R3HDM1: variants seen among roughly 807,000 people sequenced by gnomAD.
The protein encoded by R3HDM1 is R3H domain containing 1, also known as R3H domain-containing protein 1.
A neutral mutation model predicts 141.1 loss-of-function variants in R3HDM1; 46 were observed. The observed-to-expected ratio is 0.33, with a 90% CI of 0.26 to 0.42. The LOEUF (loss-of-function observed/expected upper bound fraction) is 0.42, where lower values mean the gene tolerates loss of function less well. Ranked by LOEUF, R3HDM1 falls within the 10% of genes least tolerant of loss-of-function variation. The probability of loss-of-function intolerance (pLI) is 1.00; values close to 1 mark genes in which losing one functional copy is unlikely to be tolerated. For synonymous variants in R3HDM1, 435 were observed against 472.9 expected, an observed-to-expected ratio of 0.92 and a Z score of 1.04; for missense variants, 1,184 against 1,368.3, an observed-to-expected ratio of 0.87 and a Z score of 2.12.
At chr2:135,617,687 T>G (rs1458888764) in intron 5 of R3HDM1, among the ~76,000 whole-genome samples, 1 of 152,184 alleles carries the variant, frequency 6.6e-6, no homozygotes, top group Non-Finnish European at 1.5e-5. Context: ...TCATGTTACA[T>G]CTGTATATTT....
At chr2:135,616,227 A>C (rs1172358737) in intron 4 of R3HDM1, 34 bp downstream of exon 4, 3 of 1,579,414 alleles carry the variant, frequency 1.9e-6, no homozygotes, top group South Asian at 1.1e-5. Context: ...TGGCATGCCA[A>C]GGGCCTTCCT....
chr2:135,704,739 A>G (rs1325131159), intron 21 of R3HDM1, among the ~76,000 whole-genome samples: 2 of 152,180 alleles, frequency 1.3e-5, no homozygotes, highest in African/African-American at 4.8e-5. Context: ...GATTACAGGC[A>G]TGAGCCACCA....
At position 135,724,469 on chromosome 2, in the gene R3HDM1, C is replaced by T; in HGVS notation, c.*177C>T. On this transcript the variant is annotated 3_prime_UTR_variant, in exon 27 of 27. Coordinates refer to ENST00000683871, the MANE Select transcript of R3HDM1 (RefSeq NM_001378107.1). ...AAAGGGGGAAAAATATGCATTTCAC[C>T]CCACATGACTAGGAATCCACATCAG... The T allele has an allele frequency of 1.8e-6, 1 of 542,724 alleles. No homozygotes were observed. Among genetic ancestry groups the T allele is most frequent in the East Asian group, 2.9e-5 (1 of 34,490 alleles). The allele number at this position is 542,724 out of a possible 1,614,324, so 33.6% of individuals were successfully genotyped here.
intron 19 of R3HDM1, among the ~76,000 whole-genome samples, chr2:135,672,549 A>G (rs1309997064): frequency 6.6e-6 from 1 of 151,998 alleles, no homozygotes; most frequent in East Asian, 1.9e-4. Context: ...TGCTATCCTC[A>G]TACGGTATGG....
intron 1 of R3HDM1, among the ~76,000 whole-genome samples, chr2:135,551,441 A>C (rs1161494363): frequency 6.6e-6 from 1 of 152,192 alleles, no homozygotes; most frequent in Non-Finnish European, 1.5e-5. Flanking sequence ...AAAACTGCCA[A>C]GGTTATTCTA....
chr2:135,549,561 C>CAAA (rs1236257586), intron 1 of R3HDM1, among the ~76,000 whole-genome samples: 1,940 of 67,278 alleles, frequency 0.029, 87 homozygotes, highest in African/African-American at 0.091. Flanking sequence ...AACTCTGCCT[C>CAAA]AAAAAAAAAA....
intron 21 of R3HDM1, among the ~76,000 whole-genome samples, chr2:135,706,979 C>T (rs56255827): frequency 0.045 from 6,835 of 151,970 alleles, 476 homozygotes; most frequent in African/African-American, 0.16. Context: ...CCTCACCTCC[C>T]GGACGGGGCG....
At chr2:135,699,454 C>T (rs1575110182) in intron 21 of R3HDM1, among the ~76,000 whole-genome samples, 1 of 152,186 alleles carries the variant, frequency 6.6e-6, no homozygotes, top group Non-Finnish European at 1.5e-5. Flanking sequence ...AAAATGGAAG[C>T]GGGTTAGCCT....
intron 21 of R3HDM1, among the ~76,000 whole-genome samples, chr2:135,701,936 T>C (rs565249917): frequency 2.0e-5 from 3 of 152,312 alleles, no homozygotes; most frequent in South Asian, 4.1e-4. Context: ...TATTGAGATA[T>C]AATTTATATA....
chr2:135,570,119 A>T (rs1703778236), intron 1 of R3HDM1, among the ~76,000 whole-genome samples: 1 of 152,222 alleles, frequency 6.6e-6, no homozygotes, highest in African/African-American at 2.4e-5. Flanking sequence ...ATTTTGAATT[A>T]ACTATTGATT....
chr2:135,562,283 A>G (rs1420648419), intron 1 of R3HDM1, among the ~76,000 whole-genome samples: 1 of 152,232 alleles, frequency 6.6e-6, no homozygotes, highest in African/African-American at 2.4e-5. Context: ...GTGTTTGACC[A>G]TCATCCCCAA....
intron 21 of R3HDM1, among the ~76,000 whole-genome samples, chr2:135,706,949 G>A (rs1013966842): frequency 2.0e-5 from 3 of 152,026 alleles, no homozygotes; most frequent in Admixed American, 6.6e-5. Context: ...TCCCAGTAGG[G>A]GCGGCCGGGC....
Position 135,602,619 on chromosome 2 carries a change from A to AT in R3HDM1, c.-129dup. 1 of 1,548,178 alleles carries AT rather than the reference A, an allele frequency of 6.5e-7. No homozygotes were observed. The highest frequency in any genetic ancestry group is 8.7e-7 in the Non-Finnish European group (1 of 1,146,346). On this transcript the variant is annotated 5_prime_UTR_variant, in exon 2 of 27. It introduces an in-frame stop codon into an upstream open reading frame of the 5' UTR. Transcript: ENST00000683871. ...TTACAGATGGTTCACTACAGTTGAC[A>AT]TCCTGGCTGACAACTGTGAAAAAGA...
At chr2:135,711,820 G>T (rs553717530) in intron 23 of R3HDM1, among the ~76,000 whole-genome samples, 1 of 152,084 alleles carries the variant, frequency 6.6e-6, no homozygotes, top group South Asian at 2.1e-4. Context: ...TTAGCTGGAC[G>T]TGGTGGCGGG....
At chr2:135,715,112 G>A (rs1254561566) in intron 23 of R3HDM1, among the ~76,000 whole-genome samples, 1 of 152,198 alleles carries the variant, frequency 6.6e-6, no homozygotes, top group Non-Finnish European at 1.5e-5. Context: ...CACTTAGGGA[G>A]GCTGAGCCAG....
intron 16 of R3HDM1, chr2:135,649,128 C>T (rs1432402643): frequency 1.3e-5 from 2 of 150,828 alleles, no homozygotes; most frequent in East Asian, 3.9e-4. Context: ...TGCAGTGGCG[C>T]GACCTCGGCT....
chr2:135,537,173 T>G (rs1696334951), intron 1 of R3HDM1, among the ~76,000 whole-genome samples: 1 of 138,534 alleles, frequency 7.2e-6, no homozygotes, highest in African/African-American at 3.1e-5. Context: ...GCTCTGGAAT[T>G]TAAAAAAAAA....
chr2:135,541,738 A>C (rs1186803353), intron 1 of R3HDM1, among the ~76,000 whole-genome samples: 1 of 152,086 alleles, frequency 6.6e-6, no homozygotes, highest in Non-Finnish European at 1.5e-5. Flanking sequence ...AAGAGTTTGA[A>C]ATATTGCAAG....
intron 3 of R3HDM1, among the ~76,000 whole-genome samples, chr2:135,612,572 A>T (rs1488355192): frequency 1.3e-5 from 2 of 152,208 alleles, no homozygotes; most frequent in Admixed American, 1.3e-4. Context: ...AGGATGTTTC[A>T]TATTCTGCAC....
Sources: allele counts gnomAD v4.1 joint callset (sites outside exome capture counted in the v4.1 genomes callset), GRCh38; gene constraint gnomAD v4.1.1; transcripts MANE v1.5; gene names NCBI Gene and HGNC (gene_info 2026-07-23, HGNC 2026-07-21).